XPNPEP1: variants seen among roughly 807,000 people sequenced by gnomAD.
XPNPEP1 encodes the protein X-prolyl aminopeptidase 1.
Under a neutral mutation model 92.4 loss-of-function variants are expected in XPNPEP1, and 39 were observed. The observed-to-expected ratio is 0.42, with a 90% confidence interval of 0.33 to 0.55. The LOEUF (loss-of-function observed/expected upper bound fraction) is 0.55, where lower values mean the gene tolerates loss of function less well. Among genes scored for constraint, XPNPEP1 ranks in the 20% least tolerant of loss-of-function variants. The pLI is 0.08. For synonymous variants in XPNPEP1, 307 were observed against 299.4 expected, an observed-to-expected ratio of 1.03 and a Z score of -0.26; for missense variants, 654 against 856.1, an observed-to-expected ratio of 0.76 and a Z score of 2.95.
chr10:109,868,698 G>T lies in XPNPEP1; in HGVS notation c.1788C>A (p.Asn596Lys). 6.2e-7 allele frequency: 1 copy of T among 1,613,854 alleles called. No homozygotes were observed. The highest frequency in any genetic ancestry group is 8.5e-7 in the Non-Finnish European group (1 of 1,179,858). Residue 596 changes from asparagine to lysine, a missense_variant, in exon 20 of 21, where the codon AAC becomes AAA. Asn to Lys is a moderately conservative substitution (Grantham distance 94, BLOSUM62 0). Transcript: ENST00000502935. ...GAGGTTCAAAGGTCAGGCTTCCCCG[G>T]TTATTAAAATTATACTGCGGGAGAA... ...VPVKTKYNFNNRGSLTFEPLT... is the reference protein window; with the variant it reads ...VPVKTKYNFNKRGSLTFEPLT...
intron 2 of XPNPEP1, 69 bp from the exon 3 acceptor site, chr10:109,907,884 G>A: frequency 2.5e-6 from 4 of 1,591,632 alleles, no homozygotes; most frequent in Non-Finnish European, 3.4e-6. Flanking sequence ...GTTCGAAGTG[G>A]GCCACAGAGA....
At chr10:109,891,683 C>A in intron 5 of XPNPEP1, 39 bp downstream of exon 5, 1 of 1,504,948 alleles carries the variant, frequency 6.6e-7, no homozygotes, top group Non-Finnish European at 8.9e-7. Flanking sequence ...CTGCCCAGAT[C>A]AGGCCAACTA....
At chr10:109,898,220 T>C (rs1201211457) in intron 3 of XPNPEP1, among the ~76,000 whole-genome samples, 1 of 152,070 alleles carries the variant, frequency 6.6e-6, no homozygotes, top group Non-Finnish European at 1.5e-5. Context: ...ATCTGTAAAA[T>C]GGGGATGAAC....
intron 17 of XPNPEP1, among the ~76,000 whole-genome samples, chr10:109,871,276 G>A (rs922531412): frequency 1.3e-5 from 2 of 152,100 alleles, no homozygotes; most frequent in African/African-American, 4.8e-5. Context: ...AGGAAACTGA[G>A]GCCTAGGGAG....
chr10:109,865,203 G>C lies in XPNPEP1; in HGVS notation c.1982C>G (p.Pro661Arg). The C allele has an allele frequency of 1.2e-6, 2 of 1,614,166 alleles. No individual in the cohort carries two copies. Among genetic ancestry groups the C allele is most frequent in the Non-Finnish European group, 1.7e-6 (2 of 1,180,038 alleles). The change falls in exon 21 of 21, where the codon CCC (proline) becomes CGC (arginine). Residue 661 changes from proline (P) to arginine (R), a missense_variant. By Grantham distance (103) the Pro-to-Arg change is moderately radical. Coordinates refer to ENST00000502935, the MANE Select transcript of XPNPEP1 (RefSeq NM_020383.4). ...TATTTATTAATGCTGTTTGGAGATG[G>C]GTTGCGTCTCTCTGATGAGCCACTC... ...ALEWLIRETQ[P>R]ISKQH
At chr10:109,921,380 G>A (rs532494200) in intron 1 of XPNPEP1, among the ~76,000 whole-genome samples, 1 of 152,316 alleles carries the variant, frequency 6.6e-6, no homozygotes, top group South Asian at 2.1e-4. Flanking sequence ...TTCATGATGA[G>A]CCACAAAGTG....
At chr10:109,878,298 C>A in intron 12 of XPNPEP1, 1 of 465,606 alleles carries the variant, frequency 2.1e-6, no homozygotes, top group Non-Finnish European at 3.8e-6. Flanking sequence ...GTATTTTATC[C>A]TAAAACCTCC....
At chr10:109,889,572 G>A (rs900609407) in intron 5 of XPNPEP1, among the ~76,000 whole-genome samples, 1 of 152,178 alleles carries the variant, frequency 6.6e-6, no homozygotes, top group Non-Finnish European at 1.5e-5. Flanking sequence ...CACTATATCA[G>A]CCTCCAGAAT....
Position 109,915,016 on chromosome 10 carries a change from TC to T in XPNPEP1, c.115del (p.Glu39LysfsTer10). On this transcript the variant is annotated frameshift_variant, in exon 2 of 21. Transcript: ENST00000502935. LOFTEE classifies it high-confidence loss of function. Reference protein sequence around the residue: ...EVTHSGDTGVETDGRMPPKVT... With the variant: ...EVTHSGDTGVXTDGRMPPKVT... ...TTTCCAGACAAAATTATTACCTGTT[TC>T]CACACCTGTGTCTCCTGAGTGTGTC... 6.6e-7 allele frequency: 1 copy of T among 1,523,428 alleles called. No individual in the cohort carries two copies. The highest frequency in any genetic ancestry group is 8.8e-7 in the Non-Finnish European group (1 of 1,139,104). 94.4% of individuals were successfully genotyped at this position (1,523,428 alleles called of 1,614,324 possible).
intron 10 of XPNPEP1, among the ~76,000 whole-genome samples, chr10:109,881,663 G>T (rs1385113364): frequency 6.6e-6 from 1 of 152,182 alleles, no homozygotes; most frequent in Non-Finnish European, 1.5e-5. Flanking sequence ...ATGCCCCACT[G>T]CTCAGTGGAG....
At chr10:109,877,496 C>G (rs1428364779) in intron 14 of XPNPEP1, 5 of 335,836 alleles carry the variant, frequency 1.5e-5, no homozygotes, top group Non-Finnish European at 2.7e-5. Context: ...CATCAAGATG[C>G]AAGGGCTATG....
In XPNPEP1 at chr10:109,923,472, AGACCAGC is replaced by A. The variant is rs755756618; in HGVS notation, c.-46_-40del. The A allele has an allele frequency of 1.5e-6, 2 of 1,374,620 alleles. No homozygotes were observed. The highest frequency in any genetic ancestry group is 3.0e-5 in the South Asian group (2 of 67,252). The allele number at this position is 1,374,620 out of a possible 1,614,324, so 85.2% of individuals were successfully genotyped here. A position where few individuals can be genotyped will look rare whatever the true frequency, so the allele number is the denominator to read the frequency against. On this transcript the variant is annotated 5_prime_UTR_variant, in exon 1 of 21. The change creates a new upstream start codon in the 5' untranslated region. Coordinates refer to ENST00000502935, the MANE Select transcript of XPNPEP1 (RefSeq NM_020383.4). ...GCCCCAGCCCACGTCAGGGGAGCGC[AGACCAGC>A]TGATCACCCGCGGAAGGGCCGGCGC...
chr10:109,869,631 C>A (rs1385310432), intron 19 of XPNPEP1, among the ~76,000 whole-genome samples: 1 of 152,118 alleles, frequency 6.6e-6, no homozygotes, highest in Non-Finnish European at 1.5e-5. Flanking sequence ...AACTCAGAGC[C>A]CCAAATCATG....
chr10:109,865,423 A>G, intron 20 of XPNPEP1, 111 bp from the exon 21 acceptor site: 12 of 1,405,228 alleles, frequency 8.5e-6, no homozygotes, highest in African/African-American at 1.4e-5. Flanking sequence ...CTGAGAGAAA[A>G]GGTGTGCAAC....
At chr10:109,899,744 T>G (rs1334780729) in intron 3 of XPNPEP1, among the ~76,000 whole-genome samples, 1 of 152,240 alleles carries the variant, frequency 6.6e-6, no homozygotes, top group Non-Finnish European at 1.5e-5. Flanking sequence ...AAAATTCACA[T>G]TGGCAGAGTC....
At chr10:109,920,353 G>C (rs1233021995) in intron 1 of XPNPEP1, among the ~76,000 whole-genome samples, 2 of 152,194 alleles carry the variant, frequency 1.3e-5, no homozygotes, top group Non-Finnish European at 2.9e-5. Flanking sequence ...CATTTTAACA[G>C]ATGAATTGTA....
At chr10:109,891,697 T>C (rs1312727236) in intron 5 of XPNPEP1, 25 bp downstream of exon 5, 1 of 1,530,100 alleles carries the variant, frequency 6.5e-7, no homozygotes, top group Admixed American at 2.2e-5. Context: ...CCAACTAAGT[T>C]TGGGCTAGCC....
rs375013559 is a variant in XPNPEP1 at position 109,888,122 on chromosome 10, G to A, written c.579C>T (p.Leu193=). ...GHHLIPVKEN[L]VDKIWTDRPE... Reference sequence around the variant, plus strand: ...GACGGTCTGTCCAGATTTTGTCAACGAGGTTCTCCTTGACAGGAATGAGGT... The same window carrying A: ...GACGGTCTGTCCAGATTTTGTCAACAAGGTTCTCCTTGACAGGAATGAGGT... Residue 193 remains leucine, a synonymous_variant, in exon 7 of 21, where the codon CTC becomes CTT. Coordinates refer to ENST00000502935, the MANE Select transcript of XPNPEP1 (RefSeq NM_020383.4). 2.4e-5 allele frequency: 38 copies of A among 1,613,928 alleles called. No individual in the cohort carries two copies. The highest frequency in any genetic ancestry group is 4.0e-5 in the African/African-American group (3 of 74,914).
intron 10 of XPNPEP1, 118 bp from the exon 11 acceptor site, chr10:109,881,049 C>CTGG (rs1848066478): frequency 1.0e-6 from 1 of 953,322 alleles, no homozygotes; most frequent in East Asian, 2.7e-5. Flanking sequence ...AGAGCTCCCA[C>CTGG]TGGCGACCCA....
Sources: allele counts gnomAD v4.1 joint callset (sites outside exome capture counted in the v4.1 genomes callset), GRCh38; gene constraint gnomAD v4.1.1; transcripts MANE v1.5; gene names NCBI Gene and HGNC (gene_info 2026-07-23, HGNC 2026-07-21).